The following ZNF146 variants were observed in gnomAD, a reference collection of about 807,000 sequenced individuals.
The protein encoded by ZNF146 is zinc finger protein OZF.
ZNF146 carries 9 observed loss-of-function variants against 22.2 expected under a neutral mutation model. The observed-to-expected ratio is 0.41, with a 90% CI of 0.24 to 0.71. The LOEUF (loss-of-function observed/expected upper bound fraction) is 0.71, where lower values mean the gene tolerates loss of function less well. ZNF146 is among the 30% of genes least tolerant of loss of function. The pLI is 0.34. For synonymous variants in ZNF146, 108 were observed against 119.2 expected, an observed-to-expected ratio of 0.91 and a Z score of 0.61; for missense variants, 194 against 344.8, an observed-to-expected ratio of 0.56 and a Z score of 3.46.
At chr19:36,221,757 GTTTA>G (rs1212301952) in intron 2 of ZNF146, among the ~76,000 whole-genome samples, 2 of 150,624 alleles carry the variant, frequency 1.3e-5, no homozygotes, top group Non-Finnish European at 3.0e-5. Flanking sequence ...TTTGCTTCTT[GTTTA>G]TCCTTCAAGT....
intron 1 of ZNF146, among the ~76,000 whole-genome samples, chr19:36,216,109 G>C (rs756230071): frequency 2.6e-5 from 4 of 152,148 alleles, no homozygotes; most frequent in Non-Finnish European, 4.4e-5. Flanking sequence ...TGGGTACCAA[G>C]TTAATATCTA....
chr19:36,220,605 A>C (rs1976795317), intron 2 of ZNF146, among the ~76,000 whole-genome samples: 1 of 152,160 alleles, frequency 6.6e-6, no homozygotes, highest in Non-Finnish European at 1.5e-5. Context: ...ACCTCAGGTG[A>C]TCTGCCCACC....
chr19:36,229,921 T>C (rs1467903810), intron 3 of ZNF146, among the ~76,000 whole-genome samples: 7 of 152,196 alleles, frequency 4.6e-5, no homozygotes, highest in African/African-American at 1.7e-4. Flanking sequence ...GGTTTTGCCA[T>C]GTTGGCCAGG....
At chr19:36,216,793 A>G (rs1976626604) in intron 1 of ZNF146, among the ~76,000 whole-genome samples, 1 of 149,810 alleles carries the variant, frequency 6.7e-6, no homozygotes, top group South Asian at 2.1e-4. Flanking sequence ...AAAGGCGTTG[A>G]GGTGTGGGGA....
intron 3 of ZNF146, among the ~76,000 whole-genome samples, chr19:36,233,945 T>G (rs1198789073): frequency 6.8e-6 from 1 of 147,256 alleles, no homozygotes. Context: ...GTCAGGTCTT[T>G]CCCTTCCCGC....
At chr19:36,216,952 G>C (rs904643144) in intron 1 of ZNF146, among the ~76,000 whole-genome samples, 3 of 151,636 alleles carry the variant, frequency 2.0e-5, no homozygotes, top group African/African-American at 7.3e-5. Context: ...CTAGCTGCTT[G>C]GGAGGCTGAG....
chr19:36,228,174 A>AAAAAAG (rs1555742407), intron 2 of ZNF146, among the ~76,000 whole-genome samples: 1 of 144,224 alleles, frequency 6.9e-6, no homozygotes, highest in Admixed American at 7.0e-5. Context: ...AAAAAAAAAA[A>AAAAAAG]AAAGAAAGAA....
chr19:36,236,497 G>A lies in ZNF146; in HGVS notation c.57G>A (p.Lys19=). ...GTGGGGAAAACCCCTTTGCCTGTAA[G>A]GTATGTGGAAAAGTCTTCAGCCACA... ...IYSGENPFAC[K]VCGKVFSHKS... is the part of the protein sequence containing the mutation. Residue 19 remains lysine, a synonymous_variant, in exon 4 of 4, where the codon AAG becomes AAA. Coordinates refer to ENST00000443387, the MANE Select transcript of ZNF146 (RefSeq NM_007145.3). The A allele has an allele frequency of 1.2e-6, 2 of 1,614,066 alleles. No individual in the cohort carries two copies. The highest frequency in any genetic ancestry group is 2.2e-5 in the East Asian group (1 of 44,872).
chr19:36,234,152 T>C (rs556599485), intron 3 of ZNF146, among the ~76,000 whole-genome samples: 155 of 152,308 alleles, frequency 1.0e-3, no homozygotes, highest in African/African-American at 3.6e-3. Context: ...CCTTAATCCA[T>C]TTAACGCTGA....
intron 1 of ZNF146, among the ~76,000 whole-genome samples, chr19:36,215,441 C>G (rs1169443346): frequency 2.6e-5 from 4 of 151,966 alleles, no homozygotes; most frequent in Admixed American, 1.3e-4. Flanking sequence ...TGTGATTGTG[C>G]CTAAGAGGGA....
At chr19:36,235,549 G>A (rs1306918997) in intron 3 of ZNF146, 110 bp from the exon 4 acceptor site, 1 of 152,168 alleles carries the variant, frequency 6.6e-6, no homozygotes, top group Non-Finnish European at 1.5e-5. Flanking sequence ...ACAAATAAAA[G>A]TGATAGTAAT....
intron 2 of ZNF146, among the ~76,000 whole-genome samples, chr19:36,224,036 C>T (rs1976971383): frequency 6.6e-6 from 1 of 151,986 alleles, no homozygotes; most frequent in Non-Finnish European, 1.5e-5. Flanking sequence ...GATATGCATC[C>T]AGCTTTACCT....
intron 3 of ZNF146, among the ~76,000 whole-genome samples, chr19:36,229,971 C>T (rs1000247245): frequency 6.6e-6 from 1 of 152,190 alleles, no homozygotes; most frequent in African/African-American, 2.4e-5. Context: ...CTGCCTGCCT[C>T]GGCCTCTCAA....
At chr19:36,220,913 G>A (rs906475735) in intron 2 of ZNF146, among the ~76,000 whole-genome samples, 1 of 149,652 alleles carries the variant, frequency 6.7e-6, no homozygotes, top group African/African-American at 2.5e-5. Flanking sequence ...GTGCAGTGGT[G>A]TGATCTTGGC....
intron 2 of ZNF146, among the ~76,000 whole-genome samples, chr19:36,224,058 G>C (rs1976972231): frequency 6.6e-6 from 1 of 151,904 alleles, no homozygotes; most frequent in Non-Finnish European, 1.5e-5. Flanking sequence ...TTTCCAATTG[G>C]CTACCACGTT....
chr19:36,223,402 C>A (rs1469857178), intron 2 of ZNF146, among the ~76,000 whole-genome samples: 1 of 152,012 alleles, frequency 6.6e-6, no homozygotes, highest in Non-Finnish European at 1.5e-5. Context: ...TCTCTCCGTC[C>A]CCCAGGCTGG....
At chr19:36,217,401 A>G (rs1296114053) in intron 1 of ZNF146, among the ~76,000 whole-genome samples, 1 of 151,866 alleles carries the variant, frequency 6.6e-6, no homozygotes, top group Non-Finnish European at 1.5e-5. Flanking sequence ...GAGAGAGAGA[A>G]GAAAGAAAAG....
intron 2 of ZNF146, among the ~76,000 whole-genome samples, chr19:36,220,003 C>T (rs1300230038): frequency 6.6e-6 from 1 of 152,132 alleles, no homozygotes; most frequent in Non-Finnish European, 1.5e-5. Context: ...GAATCAGCTG[C>T]ACTTTTTGAT....
chr19:36,217,388 GGA>G (rs993042372), intron 1 of ZNF146, among the ~76,000 whole-genome samples: 1 of 151,690 alleles, frequency 6.6e-6, no homozygotes, highest in Non-Finnish European at 1.5e-5. Flanking sequence ...AAGAAAGAAA[GGA>G]GAGAGAGAGA....
Sources: allele counts gnomAD v4.1 joint callset (sites outside exome capture counted in the v4.1 genomes callset), GRCh38; gene constraint gnomAD v4.1.1; transcripts MANE v1.5; gene names NCBI Gene and HGNC (gene_info 2026-07-23, HGNC 2026-07-21).